E2F3: variants seen among roughly 807,000 people sequenced by gnomAD.
E2F3 encodes transcription factor E2F3.
Under a neutral mutation model 44.4 loss-of-function variants are expected in E2F3, and 11 were observed. The observed-to-expected ratio is 0.25, with a 90% CI of 0.16 to 0.41. The LOEUF is 0.41. Ranked by LOEUF, E2F3 falls within the 10% of genes least tolerant of loss-of-function variation. E2F3 has a pLI of 1.00. For missense variants in E2F3, 487 were observed against 583.6 expected, an observed-to-expected ratio of 0.83 and a Z score of 1.70; for synonymous variants, 249 against 253.0, an observed-to-expected ratio of 0.98 and a Z score of 0.15.
intron 1 of E2F3, among the ~76,000 whole-genome samples, chr6:20,464,077 A>G (rs1201806922): frequency 1.3e-5 from 2 of 152,154 alleles, no homozygotes. Context: ...TGGAGCTTCC[A>G]TGCCCTCCCC....
intron 1 of E2F3, among the ~76,000 whole-genome samples, chr6:20,411,741 G>A (rs1024696315): frequency 6.6e-6 from 1 of 152,190 alleles, no homozygotes; most frequent in African/African-American, 2.4e-5. Context: ...ATCAAGGGAA[G>A]GCGTAGGCAC....
intron 1 of E2F3, among the ~76,000 whole-genome samples, chr6:20,471,117 C>T (rs1431399056): frequency 6.6e-6 from 1 of 152,166 alleles, no homozygotes; most frequent in Non-Finnish European, 1.5e-5. Context: ...GGTATGTATC[C>T]TTAGATACTT....
intron 4 of E2F3, among the ~76,000 whole-genome samples, chr6:20,486,033 A>T (rs961290547): frequency 2.0e-5 from 3 of 152,306 alleles, no homozygotes; most frequent in South Asian, 2.1e-4. Flanking sequence ...ATTGGAGTTC[A>T]TGGAATGCCT....
rs183201814 is a variant in E2F3, at chr6:20,444,773, G to A, written c.394-35073G>A. Among the ~76,000 whole-genome samples the A allele has an allele frequency of 5.9e-5, 9 of 152,238 alleles. 1 individual carries two copies. In the East Asian group the frequency reaches 1.4e-3, roughly 23 times the overall value. On this transcript the variant is annotated intron_variant, in intron 1 of 6. Coordinates refer to ENST00000346618, the MANE Select transcript of E2F3 (RefSeq NM_001949.5). ...GAAAACACATTTTTTATAACTACTC[G>A]ATTCAAGATTTTGTTGCTAGGTCTT...
rs1357495897 is a variant in E2F3, at chr6:20,482,899, C to A, written c.863C>A (p.Thr288Asn). Residue 288 changes from threonine to asparagine, a missense_variant, in exon 4 of 7, where the codon ACC becomes AAC. Transcript: ENST00000346618. Reference sequence around the variant, plus strand: ...TGCACCCTGGACCTCAAACTGTTAACCGAGGATTCAGAGAATCAAAGATAT... The same window carrying A: ...TGCACCCTGGACCTCAAACTGTTAAACGAGGATTCAGAGAATCAAAGATAT... ...QSCTLDLKLLTEDSENQRLAY... is the reference protein window; with the variant it reads ...QSCTLDLKLLNEDSENQRLAY... 3 of 1,613,700 alleles carry A rather than the reference C, an allele frequency of 1.9e-6. No individual in the cohort carries two copies. In the Admixed American group the frequency reaches 5.0e-5, roughly 27 times the overall value.
At chr6:20,489,538 A>G (rs1375553904) in intron 6 of E2F3, among the ~76,000 whole-genome samples, 3 of 152,180 alleles carry the variant, frequency 2.0e-5, no homozygotes, top group Non-Finnish European at 4.4e-5. Flanking sequence ...CAGTATGTAT[A>G]TATTGTTTTG....
chr6:20,440,250 C>A (rs1168030045), intron 1 of E2F3: 2 of 152,216 alleles, frequency 1.3e-5, no homozygotes, highest in Non-Finnish European at 2.9e-5. Flanking sequence ...GCCACAGGTA[C>A]ATGACTTCCA....
At chr6:20,455,739 C>T (rs552331591) in intron 1 of E2F3, among the ~76,000 whole-genome samples, 1 of 152,282 alleles carries the variant, frequency 6.6e-6, no homozygotes, top group Admixed American at 6.5e-5. Context: ...GTCCCAAAAG[C>T]TTTGACAGGG....
chr6:20,468,381 G>A (rs1326906962), intron 1 of E2F3, among the ~76,000 whole-genome samples: 2 of 152,192 alleles, frequency 1.3e-5, no homozygotes, highest in Non-Finnish European at 2.9e-5. Context: ...GAAACATTGA[G>A]GTTTACTGGT....
At chr6:20,489,320 T>TA (rs1359423990) in intron 6 of E2F3, among the ~76,000 whole-genome samples, 1 of 152,138 alleles carries the variant, frequency 6.6e-6, no homozygotes, top group Non-Finnish European at 1.5e-5. Flanking sequence ...AAGACTGAGT[T>TA]AAAATCAGTG....
chr6:20,418,924 A>T (rs1437551796), intron 1 of E2F3, among the ~76,000 whole-genome samples: 1 of 152,018 alleles, frequency 6.6e-6, no homozygotes, highest in East Asian at 1.9e-4. Context: ...AAGTGGAGTG[A>T]AAATGAAAAT....
intron 1 of E2F3, among the ~76,000 whole-genome samples, chr6:20,472,666 T>A (rs968908106): frequency 2.0e-5 from 3 of 152,006 alleles, no homozygotes; most frequent in African/African-American, 7.2e-5. Context: ...ACCCTGTCTC[T>A]AAAAAAATAA....
chr6:20,425,639 C>T (rs189486789), intron 1 of E2F3, among the ~76,000 whole-genome samples: 16 of 152,234 alleles, frequency 1.1e-4, no homozygotes, highest in African/African-American at 3.4e-4. Flanking sequence ...TCTGCCCGCC[C>T]GCCCCGCCTC....
intron 1 of E2F3, among the ~76,000 whole-genome samples, chr6:20,437,627 A>G (rs115605427): frequency 2.6e-3 from 392 of 152,250 alleles, no homozygotes; most frequent in Non-Finnish European, 4.2e-3. Context: ...TTAGAACCCT[A>G]TTTTTGTTAA....
intron 1 of E2F3, among the ~76,000 whole-genome samples, chr6:20,458,257 C>T (rs1337857641): frequency 1.3e-5 from 2 of 152,180 alleles, no homozygotes; most frequent in Non-Finnish European, 2.9e-5. Flanking sequence ...AGGAATTTGA[C>T]TCCTTTTAAA....
chr6:20,482,912 G>C lies in E2F3; in HGVS notation c.876G>C (p.Glu292Asp). The C allele has an allele frequency of 6.2e-7, 1 of 1,613,594 alleles. No individual in the cohort carries two copies. Among genetic ancestry groups the C allele is most frequent in the Non-Finnish European group, 8.5e-7 (1 of 1,179,638 alleles). Residue 292 changes from glutamate (E) to aspartate (D), a missense_variant, in exon 4 of 7, where the codon GAG (glutamate) becomes GAC (aspartate). Physicochemically the swap from Glu to Asp is conservative, Grantham distance 45. Around this residue, in one of 3 missense-constraint regions of E2F3, gnomAD observed 220 missense variants for 261.7 expected, o/e 0.84. Transcript: ENST00000346618. ...LDLKLLTEDS[E>D]NQRLAYVTYQ... ...TCAAACTGTTAACCGAGGATTCAGA[G>C]AATCAAAGATATCCTTTGTGCCGCC... is the stretch of plus-strand genomic sequence containing the variant.
intron 1 of E2F3, among the ~76,000 whole-genome samples, chr6:20,408,878 G>A (rs1269513340): frequency 6.6e-6 from 1 of 152,214 alleles, no homozygotes; most frequent in Admixed American, 6.5e-5. Context: ...CAGTCCCTGA[G>A]AACGATATTC....
intron 1 of E2F3, among the ~76,000 whole-genome samples, chr6:20,447,031 A>C (rs1333729525): frequency 6.6e-6 from 1 of 152,198 alleles, no homozygotes; most frequent in South Asian, 2.1e-4. Flanking sequence ...GAATATAATC[A>C]ATTTTTAATT....
chr6:20,430,551 T>A (rs951704231), intron 1 of E2F3, among the ~76,000 whole-genome samples: 4 of 152,208 alleles, frequency 2.6e-5, no homozygotes, highest in African/African-American at 9.6e-5. Context: ...AAACTGGAGT[T>A]AGTTGTTCAC....
Sources: gnomAD v4.1 joint callset for allele counts (sites outside exome capture counted in the v4.1 genomes callset) on GRCh38, gnomAD v4.1.1 for gene constraint, gnomAD v4.1.1 regional missense constraint, MANE v1.5 for transcripts, NCBI Gene and HGNC (gene_info 2026-07-23, HGNC 2026-07-21) for gene names.